BMP6: variants seen among roughly 807,000 people sequenced by gnomAD.
BMP6 encodes VG-1-R.
Under a neutral mutation model 54.1 loss-of-function variants are expected in BMP6, and 17 were observed. The observed-to-expected ratio is 0.31, with a 90% CI of 0.22 to 0.47. The LOEUF (loss-of-function observed/expected upper bound fraction) is 0.47, where lower values mean the gene tolerates loss of function less well. BMP6 is among the 20% of genes least tolerant of loss of function. BMP6 has a pLI of 1.00. For synonymous variants in BMP6, 328 were observed against 291.2 expected (o/e 1.13, Z -1.28); for missense variants, 720 against 690.4 (o/e 1.04, Z -0.48).
intron 1 of BMP6, among the ~76,000 whole-genome samples, chr6:7,827,006 C>G (rs963880211): frequency 1.3e-5 from 2 of 152,184 alleles, no homozygotes; most frequent in Admixed American, 6.5e-5. Flanking sequence ...TGGTACAGAT[C>G]CACCACAACC....
chr6:7,853,552 T>C (rs766977976), intron 2 of BMP6, among the ~76,000 whole-genome samples: 5 of 152,172 alleles, frequency 3.3e-5, no homozygotes, highest in Non-Finnish European at 7.3e-5. Flanking sequence ...GGTTTCTTTT[T>C]TGAAGAGAAG....
intron 1 of BMP6, among the ~76,000 whole-genome samples, chr6:7,735,435 C>T (rs562486311): frequency 6.6e-6 from 1 of 152,306 alleles, no homozygotes. Flanking sequence ...CTATGAATTA[C>T]ATTTAAATAG....
At chr6:7,764,179 G>C (rs750034737) in intron 1 of BMP6, among the ~76,000 whole-genome samples, 2 of 152,172 alleles carry the variant, frequency 1.3e-5, no homozygotes, top group Non-Finnish European at 2.9e-5. Context: ...TGAGGCTGTT[G>C]GAGCATGGAG....
intron 2 of BMP6, among the ~76,000 whole-genome samples, chr6:7,854,912 A>G (rs1039359813): frequency 6.6e-6 from 1 of 152,196 alleles, no homozygotes; most frequent in African/African-American, 2.4e-5. Context: ...TTATGTGGCC[A>G]AAGAGAGCAG....
At position 7,828,754 on chromosome 6, in the gene BMP6, C is replaced by T. The variant is rs537441366; in HGVS notation, c.665-16386C>T. ...ATACATTGGAGGGGAGTTTAGCCCT[C>T]AGCAGGAGCATGCCTGTTTTCTTTC... On this transcript the variant is annotated intron_variant, in intron 1 of 6. Transcript: ENST00000283147. 2.6e-5 allele frequency among the ~76,000 whole-genome samples: 4 copies of T among 152,364 alleles called. No homozygotes were observed. The South Asian group carries it at 8.3e-4, about 32-fold the overall frequency.
rs138813685 is a variant in BMP6 at position 7,727,435 on chromosome 6, C to T, written c.480C>T (p.Ser160=). 2.8e-3 allele frequency: 4,435 copies of T among 1,604,622 alleles called. 10 individuals are homozygous for T. Among genetic ancestry groups the T allele is most frequent in the Middle Eastern group, 5.0e-3 (30 of 6,044 alleles). Residue 160 remains serine (S), a synonymous_variant, in exon 1 of 7, where the codon TCC becomes TCT. Transcript: ENST00000283147. ...DGASEGERQQ[S]WPHEAASSSQ... is the part of the protein sequence containing the mutation. ...CGTCGGAGGGGGAGAGGCAGCAGTCCTGGCCCCACGAAGCAGCCAGCTCGT... is the reference window on the plus strand; with the variant it reads ...CGTCGGAGGGGGAGAGGCAGCAGTCTTGGCCCCACGAAGCAGCCAGCTCGT...
Position 7,880,085 on chromosome 6 carries a change from C to T in BMP6, c.1376C>T (p.Ala459Val). The change falls in exon 6 of 7, where the codon GCG (alanine) becomes GTG (valine). Residue 459 changes from alanine to valine, a missense_variant. Coordinates refer to ENST00000283147, the MANE Select transcript of BMP6 (RefSeq NM_001718.6). ...GCACACATGAATGCAACCAACCACG[C>T]GATTGTGCAGACCTTGGTGAGCTCT... ...LNAHMNATNH[A>V]IVQTLVHLMN... 1 of 1,614,132 alleles carries T rather than the reference C, an allele frequency of 6.2e-7. No individual in the cohort carries two copies. The highest frequency in any genetic ancestry group is 8.5e-7 in the Non-Finnish European group (1 of 1,180,002).
At chr6:7,858,798 G>T (rs1198811825) in intron 2 of BMP6, among the ~76,000 whole-genome samples, 1 of 149,542 alleles carries the variant, frequency 6.7e-6, no homozygotes, top group East Asian at 1.9e-4. Flanking sequence ...GAGGCCCCGA[G>T]CATCCTAGAT....
intron 1 of BMP6, among the ~76,000 whole-genome samples, chr6:7,842,144 CAA>C (rs984027992): frequency 6.6e-6 from 1 of 152,118 alleles, no homozygotes; most frequent in African/African-American, 2.4e-5. Flanking sequence ...TACCGTGTGA[CAA>C]ATCCCCCAAA....
At chr6:7,762,616 A>T (rs975563254) in intron 1 of BMP6, among the ~76,000 whole-genome samples, 4 of 152,232 alleles carry the variant, frequency 2.6e-5, no homozygotes, top group African/African-American at 9.6e-5. Context: ...TATAAGCTTC[A>T]TCCCCAGCTT....
At chr6:7,802,751 C>T (rs1032356409) in intron 1 of BMP6, among the ~76,000 whole-genome samples, 15 of 152,312 alleles carry the variant, frequency 9.8e-5, no homozygotes, top group African/African-American at 2.9e-4. Context: ...TGATTGTCAC[C>T]TGACAGTGAA....
At chr6:7,793,377 G>A (rs1758140123) in intron 1 of BMP6, among the ~76,000 whole-genome samples, 1 of 152,178 alleles carries the variant, frequency 6.6e-6, no homozygotes, top group South Asian at 2.1e-4. Flanking sequence ...GGGGGAAGGA[G>A]GGATGAATAG....
intron 1 of BMP6, among the ~76,000 whole-genome samples, chr6:7,743,888 A>T (rs1013384577): frequency 6.6e-6 from 1 of 152,342 alleles, no homozygotes; most frequent in African/African-American, 2.4e-5. Context: ...TTACAATTCC[A>T]CAATGAATTC....
intron 1 of BMP6, among the ~76,000 whole-genome samples, chr6:7,795,226 C>T (rs1008830360): frequency 1.3e-5 from 2 of 152,154 alleles, no homozygotes; most frequent in African/African-American, 2.4e-5. Flanking sequence ...TTTCATTCAT[C>T]CCCACTCTTG....
chr6:7,845,062 C>T (rs987779464), intron 1 of BMP6, 78 bp from the exon 2 acceptor site: 13 of 1,326,894 alleles, frequency 9.8e-6, no homozygotes, highest in Admixed American at 2.0e-5. Context: ...TGAAGTCAAA[C>T]GGGGAAACTG....
intron 1 of BMP6, among the ~76,000 whole-genome samples, chr6:7,772,899 T>C (rs1757811626): frequency 1.3e-5 from 2 of 152,236 alleles, no homozygotes; most frequent in Admixed American, 6.5e-5. Flanking sequence ...ATTACTTTCA[T>C]GCTTGACAGG....
intron 1 of BMP6, among the ~76,000 whole-genome samples, chr6:7,768,756 C>T (rs780722156): frequency 3.9e-5 from 6 of 152,110 alleles, no homozygotes; most frequent in Admixed American, 2.6e-4. Context: ...CTAAGAGTGC[C>T]GATTTAATCA....
At chr6:7,771,134 G>A (rs1757779967) in intron 1 of BMP6, among the ~76,000 whole-genome samples, 1 of 152,046 alleles carries the variant, frequency 6.6e-6, no homozygotes, top group African/African-American at 2.4e-5. Context: ...CTCTTCTCTC[G>A]GATTTAATTC....
intron 4 of BMP6, among the ~76,000 whole-genome samples, chr6:7,864,336 CTG>C (rs1759383873): frequency 6.6e-6 from 1 of 152,184 alleles, no homozygotes; most frequent in South Asian, 2.1e-4. Flanking sequence ...ATTTACTCAT[CTG>C]TAAGATGGGG....
Sources: allele counts gnomAD v4.1 joint callset (sites outside exome capture counted in the v4.1 genomes callset), GRCh38; gene constraint gnomAD v4.1.1; transcripts MANE v1.5; gene names NCBI Gene and HGNC (gene_info 2026-07-23, HGNC 2026-07-21).